The following PASK variants were observed in gnomAD, a reference collection of about 807,000 sequenced individuals.
PASK encodes PAS domain containing serine/threonine kinase.
In PASK, 110 loss-of-function variants were observed where a neutral mutation model predicts 121.0. That is an observed-to-expected ratio of 0.91 (90% CI 0.78 to 1.06). The LOEUF (loss-of-function observed/expected upper bound fraction) is 1.06. Ranked by LOEUF, PASK falls within the 50% of genes least tolerant of loss-of-function variation. PASK has a pLI of 0.00. For synonymous variants in PASK, 686 were observed against 717.8 expected, an observed-to-expected ratio of 0.96 and a Z score of 0.71; for missense variants, 1,643 against 1,702.3, an observed-to-expected ratio of 0.97 and a Z score of 0.61.
intron 8 of PASK, chr2:241,133,459 G>A: frequency 3.4e-6 from 1 of 296,750 alleles, no homozygotes; most frequent in Non-Finnish European, 6.6e-6. Context: ...GCTGTACCTG[G>A]GTATCTACAA....
intron 15 of PASK, among the ~76,000 whole-genome samples, chr2:241,111,145 C>G (rs2125402667): frequency 6.6e-6 from 1 of 152,344 alleles, no homozygotes; most frequent in East Asian, 1.9e-4. Flanking sequence ...CTGAGGCCCT[C>G]CCGAGAGCCC....
chr2:241,143,971 CTCT>C (rs2066830770), intron 1 of PASK, among the ~76,000 whole-genome samples: 1 of 152,254 alleles, frequency 6.6e-6, no homozygotes, highest in Non-Finnish European at 1.5e-5. Flanking sequence ...ATCTCACATA[CTCT>C]TCCGAGTTCC....
Position 241,106,654 on chromosome 2 carries a change from T to C in PASK, c.3884A>G (p.Gln1295Arg). 1 of 1,614,154 alleles carries C rather than the reference T, an allele frequency of 6.2e-7. No individual in the cohort carries two copies. Among genetic ancestry groups the C allele is most frequent in the South Asian group, 1.1e-5 (1 of 91,084 alleles). Reference protein sequence around the residue: ...NRSLSDVAQAQELCGGPVPGE... With the variant: ...NRSLSDVAQARELCGGPVPGE... The stretch of plus-strand genomic sequence containing the variant: ...TGGAACGGGGCCCCCACAAAGCTCC[T>C]GAGCCTGGGCCACATCACTCAGGCT... The change falls in exon 18 of 18, where the codon CAG (glutamine) becomes CGG (arginine). Residue 1295 changes from glutamine (Q) to arginine (R), a missense_variant. Physicochemically the swap from Gln to Arg is conservative, Grantham distance 43. This residue lies in a region of PASK where 453 missense variants were observed against 511.2 expected (regional missense o/e 0.89). Coordinates refer to ENST00000234040, the MANE Select transcript of PASK (RefSeq NM_015148.4).
At position 241,122,710 on chromosome 2, in the gene PASK, T is replaced by TC. The variant is rs200267396; in HGVS notation, c.3072+21dup. ...CATGTGAAGTGGTGCCCGGCGCCAC[T>TC]CCCCCCCCACAGCCAGGTTACCTCC... On this transcript the variant is annotated intron_variant, in intron 12 of 17. Coordinates refer to ENST00000234040, the MANE Select transcript of PASK (RefSeq NM_015148.4). The TC allele has an allele frequency of 3.1e-3, 4,918 of 1,584,162 alleles. 15 individuals carry two copies. The highest frequency in any genetic ancestry group is 3.2e-3 in the Non-Finnish European group (3,671 of 1,155,492).
chr2:241,124,712 C>A (rs760477665), intron 10 of PASK, among the ~76,000 whole-genome samples: 1 of 152,202 alleles, frequency 6.6e-6, no homozygotes, highest in Non-Finnish European at 1.5e-5. Context: ...GGGTTTACAG[C>A]CCATTTTATT....
chr2:241,114,827 T>C (rs1165185709), intron 14 of PASK: 21 of 1,463,046 alleles, frequency 1.4e-5, no homozygotes, highest in Non-Finnish European at 1.8e-5. Flanking sequence ...ATTCCAGGAC[T>C]GTATCTGGCC....
rs778713735 is a variant in PASK at position 241,127,301 on chromosome 2, C to A, written c.1614G>T (p.Val538=). ...CGCAGGAAGCAAATGGCTTCACATC[C>A]ACTGGTTCAGACCTGCTTTCTCCCA... ...DLLGESRSEP[V]DVKPFASCED... Residue 538 remains valine (V), a synonymous_variant, in exon 10 of 18, where the codon GTG becomes GTT. Transcript: ENST00000234040. 3 of 1,614,120 alleles carry A rather than the reference C, an allele frequency of 1.9e-6. No individual in the cohort carries two copies. Among genetic ancestry groups the A allele is most frequent in the African/African-American group, 2.7e-5 (2 of 74,936 alleles).
intron 9 of PASK, among the ~76,000 whole-genome samples, chr2:241,130,997 A>G (rs1048871018): frequency 5.3e-5 from 8 of 152,228 alleles, no homozygotes; most frequent in African/African-American, 1.9e-4. Context: ...AGTTAAATGC[A>G]CAAGAAAGAA....
chr2:241,115,383 C>A lies in PASK; in HGVS notation c.3103G>T (p.Val1035Phe). The change falls in exon 13 of 18, where the codon GTC becomes TTC. Residue 1035 changes from valine (V) to phenylalanine (F), a missense_variant. Physicochemically the swap from Val to Phe is conservative, Grantham distance 50 (BLOSUM62 -1). Around this residue, in one of 3 missense-constraint regions of PASK, gnomAD observed 453 missense variants for 511.2 expected, o/e 0.89. Coordinates refer to ENST00000234040, the MANE Select transcript of PASK (RefSeq NM_015148.4). ...TCCTCAATCCAACAATCCTCCAAGA[C>A]CTTCTCCTTCTTAATAAACTTCACC... ...VVVKFIKKEK[V>F]LEDCWIEDPK... The A allele has an allele frequency of 6.2e-7, 1 of 1,613,794 alleles. No homozygotes were observed. Among genetic ancestry groups the A allele is most frequent in the Non-Finnish European group, 8.5e-7 (1 of 1,179,786 alleles).
At chr2:241,111,657 G>A (rs144292245) in intron 15 of PASK, among the ~76,000 whole-genome samples, 1 of 151,492 alleles carries the variant, frequency 6.6e-6, no homozygotes, top group Non-Finnish European at 1.5e-5. Flanking sequence ...CGACTCACAG[G>A]CTCCCCAGAC....
rs1004791551 is a variant in PASK, at chr2:241,136,917, G to A, written c.1137+87C>T. Reference sequence around the variant, plus strand: ...GCGAGCTGGAGAGCTTGCCGGGTGCGAGGCCTGTGCCACACGCAAGCCCGC... The same window carrying A: ...GCGAGCTGGAGAGCTTGCCGGGTGCAAGGCCTGTGCCACACGCAAGCCCGC... On this transcript the variant is annotated intron_variant, in intron 7 of 17. Transcript: ENST00000234040. 4.0e-5 allele frequency: 52 copies of A among 1,296,734 alleles called. No individual in the cohort carries two copies. The African/African-American group carries it at 5.2e-4, about 13-fold the overall frequency. The allele number at this position is 1,296,734 out of a possible 1,614,324, so 80.3% of individuals were successfully genotyped here. A position where few individuals can be genotyped will look rare whatever the true frequency, so the allele number is the denominator to read the frequency against.
At chr2:241,143,385 A>G (rs556622631) in intron 1 of PASK, among the ~76,000 whole-genome samples, 88 of 152,250 alleles carry the variant, frequency 5.8e-4, no homozygotes, top group African/African-American at 2.0e-3. Context: ...CTCCGTCTCC[A>G]CTAAAAATAC....
chr2:241,131,637 C>A (rs1001613950), intron 9 of PASK, among the ~76,000 whole-genome samples: 1 of 152,074 alleles, frequency 6.6e-6, no homozygotes, highest in African/African-American at 2.4e-5. Context: ...CTGCCCTGAC[C>A]CAGGGCAGCA....
In PASK at chr2:241,140,717, G is replaced by C; in HGVS notation, c.233C>G (p.Ala78Gly). Residue 78 changes from alanine to glycine, a missense_variant, in exon 3 of 18, where the codon GCT becomes GGT. Ala to Gly is a moderately conservative substitution (Grantham distance 60). Coordinates refer to ENST00000234040, the MANE Select transcript of PASK (RefSeq NM_015148.4). The part of the protein sequence containing the change: ...RWSSYCLSSL[A>G]AQNICTSKLH... Reference sequence around the variant, plus strand: ...TTTACTTGTACAAATATTCTGGGCAGCCAGTGATGATAGACAATAGGAGCT... The same window carrying C: ...TTTACTTGTACAAATATTCTGGGCACCCAGTGATGATAGACAATAGGAGCT... The C allele has an allele frequency of 6.2e-7, 1 of 1,613,812 alleles. No homozygotes were observed. The highest frequency in any genetic ancestry group is 8.5e-7 in the Non-Finnish European group (1 of 1,179,674).
At position 241,112,355 on chromosome 2, in the gene PASK, A is replaced by G; in HGVS notation, c.3418T>C (p.Phe1140Leu). ...CCAAAGTCTATCAGCTTGATTGTGA[A>G]GTCCTCGGCGATCACGATGTTCTCA... ...KDENIVIAED[F>L]TIKLIDFGSA... Residue 1140 changes from phenylalanine to leucine, a missense_variant, in exon 15 of 18, where the codon TTC (phenylalanine) becomes CTC (leucine). By Grantham distance (22) the Phe-to-Leu change is conservative. This residue lies in a region of PASK where 453 missense variants were observed against 511.2 expected (regional missense o/e 0.89). Transcript: ENST00000234040. This position sits in a 1 kb window ranked among gnomAD's most constrained non-coding sequence, Gnocchi z 5.2. 6.2e-7 allele frequency: 1 copy of G among 1,613,630 alleles called. No homozygotes were observed. Among genetic ancestry groups the G allele is most frequent in the East Asian group, 2.2e-5 (1 of 44,858 alleles).
intron 7 of PASK, 125 bp from the exon 8 acceptor site, chr2:241,136,164 A>G (rs1352315297): frequency 3.5e-6 from 3 of 869,058 alleles, no homozygotes; most frequent in Non-Finnish European, 5.8e-6. Context: ...TAAGGTCAGG[A>G]AAGGCCTCGG....
At chr2:241,117,962 C>G (rs1379293683) in intron 12 of PASK, among the ~76,000 whole-genome samples, 2 of 151,402 alleles carry the variant, frequency 1.3e-5, no homozygotes, top group Admixed American at 1.3e-4. Flanking sequence ...AAAAGAACAA[C>G]AAGACTTGTA....
intron 5 of PASK, among the ~76,000 whole-genome samples, chr2:241,138,390 A>G (rs556307571): frequency 6.6e-6 from 1 of 152,358 alleles, no homozygotes; most frequent in East Asian, 1.9e-4. Context: ...TGGGGGGTTT[A>G]CATATATTAT....
chr2:241,115,728 C>T (rs2065314685), intron 12 of PASK, among the ~76,000 whole-genome samples: 1 of 148,918 alleles, frequency 6.7e-6, no homozygotes, highest in African/African-American at 2.5e-5. Flanking sequence ...GCCACCCGGT[C>T]CCCAAGCATC....
Sources: gnomAD v4.1 joint callset for allele counts (sites outside exome capture counted in the v4.1 genomes callset) on GRCh38, gnomAD v4.1.1 for gene constraint, gnomAD v4.1.1 regional missense constraint, Gnocchi (gnomAD v3.1) non-coding constraint, MANE v1.5 for transcripts, NCBI Gene and HGNC (gene_info 2026-07-23, HGNC 2026-07-21) for gene names.